Variants in PAIP1 observed in about 807,000 individuals in gnomAD.
PAIP1 encodes the protein polyadenylate-binding protein-interacting protein 1.
In PAIP1, 16 loss-of-function variants were observed where a neutral mutation model predicts 61.3. The ratio of observed to expected loss-of-function variants is 0.26; its 90% CI spans 0.18 to 0.40. The LOEUF (loss-of-function observed/expected upper bound fraction) is 0.40. Among genes scored for constraint, PAIP1 ranks in the 10% least tolerant of loss-of-function variants. PAIP1 has a pLI of 1.00. For synonymous variants in PAIP1, 187 were observed against 226.2 expected, an observed-to-expected ratio of 0.83 and a Z score of 1.56; for missense variants, 416 against 600.9, an observed-to-expected ratio of 0.69 and a Z score of 3.22.
rs1322966539 is a variant in PAIP1, at chr5:43,556,960, T to C, written c.-114A>G. 18 of 1,255,158 alleles carry C rather than the reference T, an allele frequency of 1.4e-5. No homozygotes were observed. The South Asian group carries it at 3.4e-4, about 23-fold the overall frequency. The allele number at this position is 1,255,158 out of a possible 1,614,324, so 77.8% of individuals were successfully genotyped here. On this transcript the variant is annotated 5_prime_UTR_variant, in exon 1 of 11. It removes an upstream start codon present in the reference 5' UTR. Coordinates refer to ENST00000306846, the MANE Select transcript of PAIP1 (RefSeq NM_006451.5). ...GCCGCCGCGCCTCACTCGGGCCTCA[T>C]GGAGGAGGAGGGCGGCGGGCCCCGG...
At position 43,531,676 on chromosome 5, in the gene PAIP1, A is replaced by AAAAAAAAAAAAAAAAAAAAAG. The variant is rs70997407; in HGVS notation, c.1253-1798_1253-1797insCTTTTTTTTTTTTTTTTTTTT. On this transcript the variant is annotated intron_variant, in intron 9 of 10. Coordinates refer to ENST00000306846, the MANE Select transcript of PAIP1 (RefSeq NM_006451.5). Reference sequence around the variant, plus strand: ...TGTCTCAAAAAAAAAAAAAAAAAAAAAGAGAAAAAAAGAAAAGTGTGTGGA... The same window carrying AAAAAAAAAAAAAAAAAAAAAG: ...TGTCTCAAAAAAAAAAAAAAAAAAAAAAAAAAAAAAAAAAAAAAAAGAGAGAAAAAAAGAAAAGTGTGTGGA... Among the ~76,000 whole-genome samples, 9 of 143,096 alleles carry AAAAAAAAAAAAAAAAAAAAAG rather than the reference A, an allele frequency of 6.3e-5. No individual in the cohort carries two copies. In the South Asian group the frequency reaches 6.8e-4, roughly 11 times the overall value. 93.9% of individuals were successfully genotyped at this position (143,096 alleles called of 152,430 possible). A position where few individuals can be genotyped will look rare whatever the true frequency, so the allele number is the denominator to read the frequency against.
chr5:43,529,494 T>C (rs6886597), intron 10 of PAIP1, among the ~76,000 whole-genome samples: 152,123 of 152,254 alleles, frequency 1, 75,996 homozygotes, highest in Non-Finnish European at 1. Context: ...ACCTCTGCCT[T>C]CCAAGTTCAA....
intron 2 of PAIP1, among the ~76,000 whole-genome samples, chr5:43,551,436 C>T (rs994798093): frequency 6.6e-6 from 1 of 152,156 alleles, no homozygotes; most frequent in Non-Finnish European, 1.5e-5. Context: ...GTACTTACCT[C>T]TAGAGTGAGA....
chr5:43,551,552 A>G (rs191029103), intron 2 of PAIP1, among the ~76,000 whole-genome samples: 256 of 152,320 alleles, frequency 1.7e-3, no homozygotes, highest in African/African-American at 5.9e-3. Flanking sequence ...CGTGAATTTT[A>G]TAACTAAAAA....
intron 6 of PAIP1, among the ~76,000 whole-genome samples, chr5:43,535,892 A>G (rs929180581): frequency 6.6e-6 from 1 of 152,098 alleles, no homozygotes; most frequent in Non-Finnish European, 1.5e-5. Context: ...CGACTGTTAT[A>G]TTCCCTGTAT....
intron 9 of PAIP1, among the ~76,000 whole-genome samples, 159 bp from the exon 10 acceptor site, chr5:43,530,038 C>G (rs556053520): frequency 6.6e-6 from 1 of 152,294 alleles, no homozygotes; most frequent in East Asian, 1.9e-4. Flanking sequence ...AGTTGGAAAT[C>G]AAAGCCACTG....
At chr5:43,535,690 A>G (rs1284377792) in intron 6 of PAIP1, 50 bp from the exon 7 acceptor site, 2 of 995,844 alleles carry the variant, frequency 2.0e-6, no homozygotes, top group Admixed American at 4.0e-5. Context: ...TGTATTATAG[A>G]AATTCTAAAA....
At chr5:43,531,808 AT>A (rs1312632486) in intron 9 of PAIP1, among the ~76,000 whole-genome samples, 24 of 152,082 alleles carry the variant, frequency 1.6e-4, no homozygotes, top group Admixed American at 3.9e-4. Flanking sequence ...GTTTGAAATC[AT>A]TTCCAAATAA....
rs1579933139 is a variant in PAIP1 at position 43,556,306 on chromosome 5, G to A, written c.265+276C>T. ...CGCTAGGGTCTCGCTTTAGAGGGCT[G>A]CTGAGGGGAGGCGATTTTTACTTCC... On this transcript the variant is annotated intron_variant, in intron 1 of 10. Transcript: ENST00000306846. The A allele has an allele frequency of 3.2e-6, 4 of 1,241,406 alleles. No homozygotes were observed. In the East Asian group the frequency reaches 1.3e-4, roughly 39 times the overall value. The allele number at this position is 1,241,406 out of a possible 1,614,324, so 76.9% of individuals were successfully genotyped here. A position where few individuals can be genotyped will look rare whatever the true frequency, so the allele number is the denominator to read the frequency against.
At chr5:43,540,099 T>G (rs1306243421) in intron 4 of PAIP1, among the ~76,000 whole-genome samples, 1 of 152,226 alleles carries the variant, frequency 6.6e-6, no homozygotes, top group African/African-American at 2.4e-5. Flanking sequence ...CTGGGTCAGT[T>G]TGCCAACCAC....
At position 43,550,837 on chromosome 5, in the gene PAIP1, C is replaced by CAAAAAAAAAA. The variant is rs373730839; in HGVS notation, c.436-2934_436-2925dup. Among the ~76,000 whole-genome samples the CAAAAAAAAAA allele has an allele frequency of 5.9e-3, 290 of 49,546 alleles. 1 individual carries two copies. The highest frequency in any genetic ancestry group is 6.6e-3 in the Non-Finnish European group (202 of 30,540). The allele number at this position is 49,546 out of a possible 152,430, so 32.5% of individuals were successfully genotyped here. ...CACATTCAGAAGTTGAAATATACTA[C>CAAAAAAAAAA]AAAAAAAAAAAAAAAAAAAAAAGCA... On this transcript the variant is annotated intron_variant, in intron 2 of 10. Transcript: ENST00000306846.
chr5:43,543,099 A>G lies in PAIP1; in HGVS notation c.639T>C (p.Asn213=), dbSNP rs139257667. The change falls in exon 4 of 11, where the codon AAT becomes AAC. Residue 213 remains asparagine, a synonymous_variant. Coordinates refer to ENST00000306846, the MANE Select transcript of PAIP1 (RefSeq NM_006451.5). ...LIYQQATSIP[N]FSYMGARLCN... ...ACAGGCGAGCTCCCATATAAGAGAA[A>G]TTTGGGATAGATGTGGCCTTTTAAA... 1.9e-6 allele frequency: 3 copies of G among 1,598,450 alleles called. No individual in the cohort carries two copies. The highest frequency in any genetic ancestry group is 2.7e-5 in the African/African-American group (2 of 74,586).
At position 43,556,566 on chromosome 5, in the gene PAIP1, T is replaced by C. The variant is rs1579933503; in HGVS notation, c.265+16A>G. 5 of 1,249,714 alleles carry C rather than the reference T, an allele frequency of 4.0e-6. No homozygotes were observed. The highest frequency in any genetic ancestry group is 5.0e-6 in the Non-Finnish European group (5 of 991,964). 77.4% of individuals were successfully genotyped at this position (1,249,714 alleles called of 1,614,324 possible). On this transcript the variant is annotated intron_variant, in intron 1 of 10. Transcript: ENST00000306846. Reference sequence around the variant, plus strand: ...GTTCGCCAAGGAGGACTGGGGCCCTTAGAGCTGCTCCGTACCTGGGAGCGC... The same window carrying C: ...GTTCGCCAAGGAGGACTGGGGCCCTCAGAGCTGCTCCGTACCTGGGAGCGC...
At chr5:43,546,662 G>C (rs889760494) in intron 3 of PAIP1, among the ~76,000 whole-genome samples, 3 of 152,078 alleles carry the variant, frequency 2.0e-5, no homozygotes, top group African/African-American at 7.2e-5. Context: ...TTCTGATCAT[G>C]GCCCATTTTT....
chr5:43,540,471 T>C (rs1415903208), intron 4 of PAIP1, among the ~76,000 whole-genome samples: 1 of 152,204 alleles, frequency 6.6e-6, no homozygotes, highest in African/African-American at 2.4e-5. Flanking sequence ...CATAATTGAC[T>C]AGGTGAAAAG....
Position 43,556,581 on chromosome 5 carries a change from C to T in PAIP1, c.265+1G>A. 10 of 1,252,560 alleles carry T rather than the reference C, an allele frequency of 8.0e-6. No individual in the cohort carries two copies. Among genetic ancestry groups the T allele is most frequent in the Non-Finnish European group, 1.0e-5 (10 of 994,064 alleles). The allele number at this position is 1,252,560 out of a possible 1,614,324, so 77.6% of individuals were successfully genotyped here. On this transcript the variant is annotated splice_donor_variant, in intron 1 of 10. Transcript: ENST00000306846. LOFTEE classifies it high-confidence loss of function. ...CTGGGGCCCTTAGAGCTGCTCCGTA[C>T]CTGGGAGCGCCCCGGGCCGGGAAGG... is the stretch of plus-strand genomic sequence containing the variant.
At chr5:43,553,607 TAA>T (rs911248669) in intron 2 of PAIP1, among the ~76,000 whole-genome samples, 4 of 152,170 alleles carry the variant, frequency 2.6e-5, no homozygotes, top group Admixed American at 2.0e-4. Flanking sequence ...GAGCTTATCC[TAA>T]GAGTCGGGGG....
chr5:43,556,167 A>T (rs1245282327), intron 1 of PAIP1, 168 bp from the exon 2 acceptor site: 6 of 1,406,598 alleles, frequency 4.3e-6, no homozygotes, highest in Non-Finnish European at 5.5e-6. Context: ...TACAAAAAGG[A>T]ACAATAGACT....
intron 10 of PAIP1, 133 bp from the exon 11 acceptor site, chr5:43,527,602 T>C (rs149596426): frequency 1.5e-6 from 1 of 688,428 alleles, no homozygotes; most frequent in African/African-American, 1.9e-5. Context: ...AACTTTAGAA[T>C]TACATTAATG....
Sources: gnomAD v4.1 joint callset for allele counts (sites outside exome capture counted in the v4.1 genomes callset) on GRCh38, gnomAD v4.1.1 for gene constraint, MANE v1.5 for transcripts, NCBI Gene and HGNC (gene_info 2026-07-23, HGNC 2026-07-21) for gene names.